Variants in SGCG observed in about 807,000 individuals in gnomAD.
SGCG encodes the protein gamma-sarcoglycan.
In SGCG, 26 loss-of-function variants were observed where a neutral mutation model predicts 29.3. That is an observed-to-expected ratio of 0.89 (90% CI 0.65 to 1.23). The LOEUF is 1.23. SGCG is among the 50% of genes most tolerant of loss of function. The pLI is 0.00. For synonymous variants in SGCG, 145 were observed against 129.7 expected, an observed-to-expected ratio of 1.12 and a Z score of -0.80; for missense variants, 353 against 356.0, an observed-to-expected ratio of 0.99 and a Z score of 0.07.
chr13:23,174,341 C>T, the SGCG span, among the ~76,000 whole-genome samples: 4 of 151,852 alleles, frequency 2.6e-5, no homozygotes, highest in Admixed American at 6.6e-5. Context: ...CAAGTTTGGC[C>T]GAAGCTTGAG....
chr13:23,246,326 C>G (rs1879708259), intron 3 of SGCG: 2 of 152,270 alleles, frequency 1.3e-5, no homozygotes, highest in Admixed American at 1.3e-4. Context: ...GGAGGACATG[C>G]ATCTAGCTTT....
Position 23,320,564 on chromosome 13 carries a change from G to A in SGCG, c.579-73G>A, listed in dbSNP as rs922851102. On this transcript the variant is annotated intron_variant, in intron 6 of 7. Coordinates refer to ENST00000218867, the MANE Select transcript of SGCG (RefSeq NM_000231.3). ...TTACTAGTTATATTTCCCATGCTAA[G>A]TTGAGGGATTGCTGGAGTGGCTATT... is the stretch of plus-strand genomic sequence containing the variant. 3.9e-6 allele frequency: 5 copies of A among 1,298,362 alleles called. No homozygotes were observed. The African/African-American group carries it at 5.8e-5, about 15-fold the overall frequency. The allele number at this position is 1,298,362 out of a possible 1,614,324, so 80.4% of individuals were successfully genotyped here. A position where few individuals can be genotyped will look rare whatever the true frequency, so the allele number is the denominator to read the frequency against.
chr13:23,236,259 T>C (rs2137547083), intron 3 of SGCG, among the ~76,000 whole-genome samples: 1 of 152,286 alleles, frequency 6.6e-6, no homozygotes, highest in Middle Eastern at 3.4e-3. Flanking sequence ...TGGTCTTCTT[T>C]TTTCCCCAGA....
chr13:23,249,463 G>A (rs1355990391), intron 3 of SGCG, among the ~76,000 whole-genome samples: 5 of 152,182 alleles, frequency 3.3e-5, no homozygotes, highest in Non-Finnish European at 7.3e-5. Flanking sequence ...TTGGGAGACA[G>A]AGGAATTTGC....
At chr13:23,299,718 C>G (rs1882077295) in intron 6 of SGCG, among the ~76,000 whole-genome samples, 1 of 151,928 alleles carries the variant, frequency 6.6e-6, no homozygotes, top group South Asian at 2.1e-4. Flanking sequence ...TCCCAAAGTG[C>G]TGGGATTACA....
chr13:23,262,583 C>T (rs146658193), intron 4 of SGCG, among the ~76,000 whole-genome samples: 34 of 152,066 alleles, frequency 2.2e-4, no homozygotes, highest in Admixed American at 1.4e-3. Context: ...ACTCCACTGA[C>T]GGCATTAGAC....
At chr13:23,262,364 C>G (rs182040031) in intron 4 of SGCG, among the ~76,000 whole-genome samples, 5 of 151,884 alleles carry the variant, frequency 3.3e-5, no homozygotes, top group African/African-American at 1.2e-4. Flanking sequence ...ATTCTTACAT[C>G]AAATAAAACA....
intron 6 of SGCG, among the ~76,000 whole-genome samples, chr13:23,319,371 T>C (rs1882950777): frequency 6.6e-6 from 1 of 151,948 alleles, no homozygotes; most frequent in Non-Finnish European, 1.5e-5. Flanking sequence ...TACCAAAGTG[T>C]TCCCCAGCCT....
At chr13:23,251,863 C>T (rs187705034) in intron 4 of SGCG, among the ~76,000 whole-genome samples, 4,666 of 152,174 alleles carry the variant, frequency 0.031, 234 homozygotes, top group African/African-American at 0.11. Context: ...AGGTGTACTG[C>T]CAACACAAAC....
chr13:23,185,013 T>C (rs1339270314), intron 1 of SGCG, among the ~76,000 whole-genome samples: 1 of 152,190 alleles, frequency 6.6e-6, no homozygotes, highest in African/African-American at 2.4e-5. Flanking sequence ...GTAACACCAG[T>C]ATGAGATTGT....
intron 4 of SGCG, among the ~76,000 whole-genome samples, chr13:23,278,864 C>T (rs1413925135): frequency 6.6e-6 from 1 of 152,126 alleles, no homozygotes; most frequent in Non-Finnish European, 1.5e-5. Flanking sequence ...CCTGTTTTCC[C>T]CGTGGGGTAA....
the SGCG span, among the ~76,000 whole-genome samples, chr13:23,161,855 C>A: frequency 6.6e-6 from 1 of 152,294 alleles, no homozygotes; most frequent in Non-Finnish European, 1.5e-5. Flanking sequence ...TTTGCTGAAT[C>A]AGACAGACAC....
chr13:23,178,426 G>A (rs952685473), upstream of SGCG, among the ~76,000 whole-genome samples: 2 of 152,184 alleles, frequency 1.3e-5, no homozygotes, highest in African/African-American at 4.8e-5. Context: ...AGAGCAGTGG[G>A]TGTTGTATTG....
At chr13:23,318,940 T>G (rs1882929337) in intron 6 of SGCG, among the ~76,000 whole-genome samples, 1 of 152,238 alleles carries the variant, frequency 6.6e-6, no homozygotes, top group Admixed American at 6.5e-5. Context: ...TCAAAGGTGC[T>G]TCTGTGTTCT....
intron 3 of SGCG, among the ~76,000 whole-genome samples, chr13:23,242,892 A>G (rs1374437140): frequency 6.6e-6 from 1 of 152,190 alleles, no homozygotes; most frequent in Non-Finnish European, 1.5e-5. Context: ...AAAAACCTGG[A>G]AATCACATTC....
intron 1 of SGCG, among the ~76,000 whole-genome samples, chr13:23,189,693 C>T (rs73168631): frequency 0.15 from 23,165 of 152,100 alleles, 1,884 homozygotes; most frequent in Non-Finnish European, 0.19. Context: ...AAACTATCAC[C>T]TTGCTTTCAT....
At chr13:23,207,938 C>T (rs538271441) in intron 2 of SGCG, among the ~76,000 whole-genome samples, 2 of 152,192 alleles carry the variant, frequency 1.3e-5, no homozygotes, top group South Asian at 2.1e-4. Context: ...TCCAACAATT[C>T]CACTTTTAGG....
At chr13:23,195,714 C>T (rs142087193) in intron 1 of SGCG, among the ~76,000 whole-genome samples, 66 of 151,524 alleles carry the variant, frequency 4.4e-4, no homozygotes, top group Middle Eastern at 3.4e-3. Context: ...TATTATTATT[C>T]GAGAATTATG....
upstream of SGCG, among the ~76,000 whole-genome samples, chr13:23,179,877 C>A (rs1480824624): frequency 6.6e-6 from 1 of 151,840 alleles, no homozygotes; most frequent in African/African-American, 2.4e-5. Flanking sequence ...TCCTTTTTTT[C>A]TTCATTTTTT....
Sources: gnomAD v4.1 joint callset for allele counts (sites outside exome capture counted in the v4.1 genomes callset) on GRCh38, gnomAD v4.1.1 for gene constraint, MANE v1.5 for transcripts, NCBI Gene and HGNC (gene_info 2026-07-23, HGNC 2026-07-21) for gene names.